The following EYS variants were observed in gnomAD, a reference collection of about 807,000 sequenced individuals.
The protein encoded by EYS is EGF-like photoreceptor maintenance factor.
Under a neutral mutation model 282.1 loss-of-function variants are expected in EYS, and 250 were observed. The ratio of observed to expected loss-of-function variants is 0.89; its 90% CI spans 0.80 to 0.98. The LOEUF (loss-of-function observed/expected upper bound fraction) is 0.98. EYS is among the 50% of genes least tolerant of loss of function. The pLI, the probability that EYS is intolerant of heterozygous loss-of-function variation, is 0.00. For missense variants in EYS, 4,016 were observed against 3,709.0 expected (o/e 1.08, Z -2.15); for synonymous variants, 1,355 against 1,282.9 (o/e 1.06, Z -1.20).
chr6:64,136,492 A>G (rs890794458), intron 31 of EYS, among the ~76,000 whole-genome samples: 10 of 152,162 alleles, frequency 6.6e-5, no homozygotes, highest in African/African-American at 1.9e-4. Flanking sequence ...ATCACTATCT[A>G]TGGCAGCTAT....
At chr6:65,334,744 T>C (rs983847773) in intron 11 of EYS, among the ~76,000 whole-genome samples, 1 of 151,824 alleles carries the variant, frequency 6.6e-6, no homozygotes, top group African/African-American at 2.4e-5. Context: ...GAGAAGTTAT[T>C]TCTATACAGA....
intron 12 of EYS, among the ~76,000 whole-genome samples, chr6:65,170,230 A>G (rs918284619): frequency 2.7e-5 from 4 of 149,916 alleles, no homozygotes; most frequent in Non-Finnish European, 4.5e-5. Flanking sequence ...GCGTGCACGC[A>G]CACACACACA....
At chr6:64,486,482 A>G (rs968574247) in intron 26 of EYS, among the ~76,000 whole-genome samples, 2 of 151,468 alleles carry the variant, frequency 1.3e-5, no homozygotes, top group African/African-American at 2.4e-5. Flanking sequence ...ATCATGGTGT[A>G]TATAACTCAT....
At chr6:63,966,190 A>G (rs1302851086) in intron 35 of EYS, among the ~76,000 whole-genome samples, 1 of 152,240 alleles carries the variant, frequency 6.6e-6, no homozygotes, top group African/African-American at 2.4e-5. Flanking sequence ...AGCCATAAAA[A>G]TAAATGAATG....
At chr6:65,619,467 G>A (rs1766378480) in intron 2 of EYS, among the ~76,000 whole-genome samples, 1 of 152,126 alleles carries the variant, frequency 6.6e-6, no homozygotes, top group South Asian at 2.1e-4. Context: ...AGACAATGGG[G>A]TTTTCCAGAT....
In EYS at chr6:65,364,766, C is replaced by T. The variant is rs558783123; in HGVS notation, c.1300-11149G>A. Among the ~76,000 whole-genome samples, 144 of 151,754 alleles carry T rather than the reference C, an allele frequency of 9.5e-4. 3 individuals are homozygous for T. The highest frequency in any genetic ancestry group is 4.4e-3 in the South Asian group (21 of 4,814). Reference sequence around the variant, plus strand: ...CATCTTTACTTAAAGAGATAGGATACATGTATTAAAAACAAGTACTTGGCC... The same window carrying T: ...CATCTTTACTTAAAGAGATAGGATATATGTATTAAAAACAAGTACTTGGCC... On this transcript the variant is annotated intron_variant, in intron 8 of 42. Transcript: ENST00000503581.
chr6:65,504,944 C>G (rs1247450489), intron 2 of EYS, among the ~76,000 whole-genome samples: 1 of 151,658 alleles, frequency 6.6e-6, no homozygotes, highest in African/African-American at 2.4e-5. Flanking sequence ...AGGAAGTGTT[C>G]CATCTGCTTC....
intron 26 of EYS, among the ~76,000 whole-genome samples, chr6:64,488,014 C>T (rs1433901863): frequency 6.6e-6 from 1 of 150,968 alleles, no homozygotes; most frequent in African/African-American, 2.4e-5. Flanking sequence ...AGATTTTCTA[C>T]ATTTAATTAC....
At chr6:64,705,908 C>T (rs186977859) in intron 22 of EYS, among the ~76,000 whole-genome samples, 8,055 of 148,864 alleles carry the variant, frequency 0.054, 289 homozygotes, top group East Asian at 0.14. Context: ...GAGGGTGCAG[C>T]GCACCAGCAT....
At chr6:65,685,402 A>G (rs1327009616) in intron 1 of EYS, among the ~76,000 whole-genome samples, 1 of 152,094 alleles carries the variant, frequency 6.6e-6, no homozygotes, top group Non-Finnish European at 1.5e-5. Flanking sequence ...TTGTTTATAT[A>G]AACTAGACAT....
intron 22 of EYS, among the ~76,000 whole-genome samples, chr6:64,740,516 C>T (rs558415256): frequency 1.9e-4 from 29 of 152,158 alleles, no homozygotes; most frequent in African/African-American, 7.0e-4. Context: ...GGTACCTAAG[C>T]AAACCTATAT....
At chr6:64,798,872 A>C (rs1774447070) in intron 22 of EYS, among the ~76,000 whole-genome samples, 2 of 151,846 alleles carry the variant, frequency 1.3e-5, no homozygotes, top group Non-Finnish European at 2.9e-5. Context: ...AATCAATAGC[A>C]GAATATTTTA....
intron 29 of EYS, among the ~76,000 whole-genome samples, chr6:64,337,519 G>A (rs1770901074): frequency 6.6e-6 from 1 of 152,022 alleles, no homozygotes; most frequent in Non-Finnish European, 1.5e-5. Flanking sequence ...TCCAGGACAA[G>A]ATGGATTCAG....
At chr6:64,378,944 ATC>A in intron 29 of EYS, among the ~76,000 whole-genome samples, 1 of 152,208 alleles carries the variant, frequency 6.6e-6, no homozygotes, top group Non-Finnish European at 1.5e-5. Context: ...GTTTTGTCAT[ATC>A]ATGCCCTGTA....
chr6:64,846,091 T>A (rs1765705417), intron 19 of EYS, among the ~76,000 whole-genome samples: 2 of 152,178 alleles, frequency 1.3e-5, no homozygotes, highest in African/African-American at 2.4e-5. Context: ...TCAGAGACTT[T>A]CAATAACTCT....
chr6:65,405,738 A>C (rs1457714509), intron 5 of EYS, among the ~76,000 whole-genome samples: 7 of 151,994 alleles, frequency 4.6e-5, no homozygotes, highest in African/African-American at 1.4e-4. Context: ...AATTTTTTTT[A>C]AAGAATTTTC....
chr6:64,417,564 A>AT (rs1042289694), intron 28 of EYS, among the ~76,000 whole-genome samples: 16 of 151,636 alleles, frequency 1.1e-4, no homozygotes, highest in Non-Finnish European at 1.6e-4. Flanking sequence ...TTCAGGAAGA[A>AT]TTTTTTTTAT....
intron 2 of EYS, among the ~76,000 whole-genome samples, chr6:65,589,958 T>G (rs899925086): frequency 6.6e-6 from 1 of 151,990 alleles, no homozygotes; most frequent in Non-Finnish European, 1.5e-5. Context: ...AAATATATCT[T>G]TATAATTTAA....
intron 35 of EYS, among the ~76,000 whole-genome samples, chr6:63,921,215 C>A (rs1173474447): frequency 6.6e-6 from 1 of 152,116 alleles, no homozygotes; most frequent in Non-Finnish European, 1.5e-5. Context: ...TTCTTATCTG[C>A]AGTTGAGAAC....
Sources: allele counts gnomAD v4.1 joint callset (sites outside exome capture counted in the v4.1 genomes callset), GRCh38; gene constraint gnomAD v4.1.1; transcripts MANE v1.5; gene names NCBI Gene and HGNC (gene_info 2026-07-23, HGNC 2026-07-21).